SLC7A14: variants seen among roughly 807,000 people sequenced by gnomAD.
The protein encoded by SLC7A14 is gamma-aminobutyric acid transporter SLC7A14.
A neutral mutation model predicts 60.2 loss-of-function variants in SLC7A14; 37 were observed. The ratio of observed to expected loss-of-function variants is 0.61; its 90% CI spans 0.47 to 0.81. The LOEUF (loss-of-function observed/expected upper bound fraction) is 0.81. Ranked by LOEUF, SLC7A14 falls within the 30% of genes least tolerant of loss-of-function variation. The pLI is 0.00. For synonymous variants in SLC7A14, 399 were observed against 395.8 expected, an observed-to-expected ratio of 1.01 and a Z score of -0.10; for missense variants, 886 against 982.7, an observed-to-expected ratio of 0.90 and a Z score of 1.32.
At chr3:170,501,056 T>A in intron 3 of SLC7A14, 53 bp downstream of exon 3, 1 of 1,574,880 alleles carries the variant, frequency 6.3e-7, no homozygotes. Context: ...AGAACTCATT[T>A]ATGTGGCTTG....
intron 1 of SLC7A14, among the ~76,000 whole-genome samples, chr3:170,568,126 G>C (rs1714844824): frequency 6.6e-6 from 1 of 152,108 alleles, no homozygotes; most frequent in South Asian, 2.1e-4. Flanking sequence ...TTCTTTTAGG[G>C]TTTTTATGGT....
Position 170,469,339 on chromosome 3 carries a change from C to T in SLC7A14, c.1994-1962G>A, listed in dbSNP as rs114190603. ...GACTTTGTCCCCCCTCCCTCCCACA[C>T]TCCCCAGTGAAATCAACTTTCCAGG... On this transcript the variant is annotated intron_variant, in intron 7 of 7. Transcript: ENST00000231706. 4.2e-3 allele frequency among the ~76,000 whole-genome samples: 633 copies of T among 152,302 alleles called. 8 individuals are homozygous for T. Among genetic ancestry groups the T allele is most frequent in the African/African-American group, 0.015 (603 of 41,560 alleles).
chr3:170,472,767 C>CAAA (rs11456241), intron 7 of SLC7A14, among the ~76,000 whole-genome samples: 1 of 107,220 alleles, frequency 9.3e-6, no homozygotes, highest in East Asian at 2.6e-4. Flanking sequence ...GACTCCGTCT[C>CAAA]AAAAAAAAAA....
intron 1 of SLC7A14, among the ~76,000 whole-genome samples, chr3:170,558,997 A>G (rs1195042411): frequency 8.5e-5 from 13 of 152,178 alleles, no homozygotes; most frequent in Non-Finnish European, 2.9e-5. Flanking sequence ...CTGCCTGGCC[A>G]AGTGCTGTGT....
intron 1 of SLC7A14, among the ~76,000 whole-genome samples, chr3:170,550,497 G>A (rs918696561): frequency 1.3e-4 from 14 of 110,866 alleles, no homozygotes; most frequent in Non-Finnish European, 1.7e-5. Context: ...TAAACCTAAT[G>A]CCATCTTTCC....
intron 1 of SLC7A14, among the ~76,000 whole-genome samples, chr3:170,546,183 C>T (rs1382582666): frequency 6.6e-6 from 1 of 152,214 alleles, no homozygotes; most frequent in African/African-American, 2.4e-5. Context: ...AAGACTCACC[C>T]AGCTCTCAGA....
At chr3:170,542,331 A>G (rs1286873762) in intron 1 of SLC7A14, among the ~76,000 whole-genome samples, 2 of 152,144 alleles carry the variant, frequency 1.3e-5, no homozygotes, top group African/African-American at 2.4e-5. Flanking sequence ...TGTTAATTTC[A>G]TGGACTGTCC....
chr3:170,577,559 A>T (rs1159501343), intron 1 of SLC7A14, among the ~76,000 whole-genome samples: 1 of 143,578 alleles, frequency 7.0e-6, no homozygotes, highest in Non-Finnish European at 1.5e-5. Flanking sequence ...CAGAGCTTGC[A>T]GTGAGCCGAG....
chr3:170,509,601 G>A (rs868383877), intron 2 of SLC7A14, among the ~76,000 whole-genome samples: 43 of 152,244 alleles, frequency 2.8e-4, no homozygotes, highest in Non-Finnish European at 5.0e-4. Context: ...CCTGAGGTCA[G>A]GAGTTCGAGA....
intron 1 of SLC7A14, among the ~76,000 whole-genome samples, chr3:170,546,844 C>T (rs1360615722): frequency 1.3e-5 from 2 of 152,132 alleles, no homozygotes; most frequent in East Asian, 1.9e-4. Context: ...GCTGTGGCAC[C>T]GTGAACAACA....
intron 4 of SLC7A14, among the ~76,000 whole-genome samples, chr3:170,490,445 C>T (rs1489308239): frequency 6.6e-6 from 1 of 152,182 alleles, no homozygotes; most frequent in Non-Finnish European, 1.5e-5. Flanking sequence ...CATTTAGTGA[C>T]TTGGCACAAC....
At chr3:170,485,238 G>A (rs941112533) in intron 5 of SLC7A14, among the ~76,000 whole-genome samples, 3 of 152,150 alleles carry the variant, frequency 2.0e-5, no homozygotes, top group Admixed American at 6.5e-5. Context: ...GTCTGTAAAC[G>A]ACCCTCAAGT....
chr3:170,486,857 G>T (rs1208649086), intron 4 of SLC7A14, among the ~76,000 whole-genome samples: 1 of 137,536 alleles, frequency 7.3e-6, no homozygotes, highest in Non-Finnish European at 1.5e-5. Flanking sequence ...CGGCGACAGA[G>T]GGAGACTCCA....
intron 1 of SLC7A14, among the ~76,000 whole-genome samples, chr3:170,577,581 G>A (rs1291734511): frequency 7.0e-6 from 1 of 141,858 alleles, no homozygotes; most frequent in Non-Finnish European, 1.5e-5. Context: ...TTGCGCCACT[G>A]CAGTCCGCAG....
In SLC7A14 at chr3:170,532,675, T is replaced by G. The variant is rs937835344; in HGVS notation, c.-152-5587A>C. Among the ~76,000 whole-genome samples, 1 of 142,034 alleles carries G rather than the reference T, an allele frequency of 7.0e-6. No individual in the cohort carries two copies. The highest frequency in any genetic ancestry group is 3.1e-5 in the African/African-American group (1 of 32,116). 93.2% of individuals were successfully genotyped at this position (142,034 alleles called of 152,430 possible). A position where few individuals can be genotyped will look rare whatever the true frequency, so the allele number is the denominator to read the frequency against. ...TGCTGTGGCCCCTGACCAGGTGTTT[T>G]TTTTTTTTTGTTGTTGTTGTTCCCT... On this transcript the variant is annotated intron_variant, in intron 1 of 7. Coordinates refer to ENST00000231706, the MANE Select transcript of SLC7A14 (RefSeq NM_020949.3). This position sits in a 1 kb window ranked among gnomAD's most constrained non-coding sequence, Gnocchi z 4.0.
chr3:170,486,513 G>A (rs1057362692), intron 4 of SLC7A14, 145 bp from the exon 5 acceptor site: 4 of 953,526 alleles, frequency 4.2e-6, no homozygotes, highest in Non-Finnish European at 6.4e-6. Context: ...TAAACACGCA[G>A]GTTCTGATCT....
intron 2 of SLC7A14, among the ~76,000 whole-genome samples, chr3:170,509,614 A>G (rs1465092558): frequency 2.0e-5 from 3 of 152,126 alleles, no homozygotes; most frequent in Admixed American, 2.0e-4. Flanking sequence ...GTTCGAGACC[A>G]GCCTGACCAA....
intron 1 of SLC7A14, among the ~76,000 whole-genome samples, chr3:170,579,135 T>C (rs1249746245): frequency 2.0e-5 from 3 of 152,202 alleles, no homozygotes; most frequent in Non-Finnish European, 2.9e-5. Flanking sequence ...TCATGACTAA[T>C]GAAATGATGC....
chr3:170,556,926 C>G (rs1046483276), intron 1 of SLC7A14, among the ~76,000 whole-genome samples: 4 of 152,168 alleles, frequency 2.6e-5, no homozygotes, highest in Admixed American at 2.0e-4. Context: ...TCATCACAAC[C>G]TTTGTAACAG....
Sources: allele counts gnomAD v4.1 joint callset (sites outside exome capture counted in the v4.1 genomes callset), GRCh38; gene constraint gnomAD v4.1.1; non-coding constraint Gnocchi (gnomAD v3.1); transcripts MANE v1.5; gene names NCBI Gene and HGNC (gene_info 2026-07-23, HGNC 2026-07-21).